The following CTNNA2 variants were observed in gnomAD, a reference collection of about 807,000 sequenced individuals.
CTNNA2 encodes catenin alpha 2.
In CTNNA2, 42 loss-of-function variants were observed where a neutral mutation model predicts 101.0. That is an observed-to-expected ratio of 0.42 (90% confidence interval 0.32 to 0.54). CTNNA2 has a LOEUF of 0.54. Among genes scored for constraint, CTNNA2 ranks in the 20% least tolerant of loss-of-function variants. CTNNA2 has a pLI of 0.14. For synonymous variants in CTNNA2, 450 were observed against 456.4 expected (o/e 0.99, Z 0.18); for missense variants, 871 against 1,223.1 (o/e 0.71, Z 4.29).
chr2:79,862,981 T>C lies in CTNNA2; in HGVS notation c.465+4802T>C, dbSNP rs1055435368. ...GGTGCAAAAGCATGACAAAACCAGG[T>C]TTTTCTTTCTTTCTCCTCCTTACTG... On this transcript the variant is annotated intron_variant, in intron 4 of 18. Coordinates refer to ENST00000402739, the MANE Select transcript of CTNNA2 (RefSeq NM_001282597.3). Among the ~76,000 whole-genome samples the C allele has an allele frequency of 3.9e-5, 6 of 152,000 alleles. No homozygotes were observed. The East Asian group carries it at 1.2e-3, about 29-fold the overall frequency.
intron 1 of CTNNA2, chr2:79,185,441 T>A (rs566284443): frequency 6.6e-6 from 1 of 152,282 alleles, no homozygotes; most frequent in Admixed American, 6.5e-5. Context: ...GGTGAGTACT[T>A]TATAAAGCTA....
intron 7 of CTNNA2, among the ~76,000 whole-genome samples, chr2:79,979,184 G>A (rs911537189): frequency 6.6e-6 from 1 of 152,060 alleles, no homozygotes; most frequent in African/African-American, 2.4e-5. Context: ...CCAGGATTTT[G>A]ACCAGCCTGG....
At chr2:79,921,369 T>C in intron 7 of CTNNA2, among the ~76,000 whole-genome samples, 1 of 152,298 alleles carries the variant, frequency 6.6e-6, no homozygotes, top group South Asian at 2.1e-4. Context: ...TCGGGAAGCC[T>C]TTTTGGGCTA....
intron 2 of CTNNA2, among the ~76,000 whole-genome samples, chr2:79,652,133 G>T (rs1467117114): frequency 6.6e-6 from 1 of 152,060 alleles, no homozygotes; most frequent in African/African-American, 2.4e-5. Context: ...CAAGATAACG[G>T]TCAACAGAAA....
At chr2:79,282,248 TA>T (rs1403500148) in intron 2 of CTNNA2, among the ~76,000 whole-genome samples, 2 of 152,144 alleles carry the variant, frequency 1.3e-5, no homozygotes, top group Non-Finnish European at 2.9e-5. Flanking sequence ...AATCTTTTTT[TA>T]AAATTTGTTT....
In CTNNA2 at chr2:79,505,652, G is replaced by A. The variant is rs554557987; in HGVS notation, c.-6+470G>A. 6.6e-5 allele frequency among the ~76,000 whole-genome samples: 10 copies of A among 152,282 alleles called. 1 individual carries two copies. The highest frequency in any genetic ancestry group is 6.2e-4 in the South Asian group (3 of 4,824). On this transcript the variant is annotated intron_variant, in intron 5 of 21. Transcript: ENST00000466387. Reference sequence around the variant, plus strand: ...TGTGGAAGTCCAGTTAGACAAGGTCGGCTCCTGGAGCCAGAGGTGAGATTA... The same window carrying A: ...TGTGGAAGTCCAGTTAGACAAGGTCAGCTCCTGGAGCCAGAGGTGAGATTA...
In CTNNA2 at chr2:79,416,544, A is replaced by C. The variant is rs185984259; in HGVS notation, c.-135+42531A>C. On this transcript the variant is annotated intron_variant, in intron 4 of 21. Coordinates refer to the CTNNA2 transcript ENST00000466387. ...GCATTGGGCAAAACCCCACATTCCA[A>C]AATGTCAGTCCCACCCCATGTAATT... 5.9e-4 allele frequency among the ~76,000 whole-genome samples: 89 copies of C among 152,110 alleles called. 2 individuals carry two copies. The highest frequency in any genetic ancestry group is 3.4e-3 in the Middle Eastern group (1 of 292).
chr2:80,121,647 G>A (rs1415144971), intron 7 of CTNNA2, among the ~76,000 whole-genome samples: 1 of 152,104 alleles, frequency 6.6e-6, no homozygotes, highest in Non-Finnish European at 1.5e-5. Flanking sequence ...GTGGGAAATG[G>A]CAAAAGTAAA....
At chr2:80,068,819 A>G (rs924243354) in intron 7 of CTNNA2, among the ~76,000 whole-genome samples, 2 of 152,200 alleles carry the variant, frequency 1.3e-5, no homozygotes, top group African/African-American at 4.8e-5. Context: ...TTTTCGTATG[A>G]GACTCTGTTC....
chr2:79,977,965 G>A (rs969061128), intron 7 of CTNNA2, among the ~76,000 whole-genome samples: 1 of 152,064 alleles, frequency 6.6e-6, no homozygotes, highest in South Asian at 2.1e-4. Flanking sequence ...AGTAATGCAG[G>A]GACTCTCCAG....
chr2:80,178,503 T>A (rs1234459133), intron 7 of CTNNA2, among the ~76,000 whole-genome samples: 1 of 152,202 alleles, frequency 6.6e-6, no homozygotes, highest in Non-Finnish European at 1.5e-5. Flanking sequence ...GGCTCCAAAC[T>A]GCATCCCTAT....
At chr2:79,220,743 A>G (rs1674331603) in intron 2 of CTNNA2, among the ~76,000 whole-genome samples, 1 of 152,188 alleles carries the variant, frequency 6.6e-6, no homozygotes, top group African/African-American at 2.4e-5. Flanking sequence ...ACCCTCATAG[A>G]AATCAATAAG....
intron 1 of CTNNA2, among the ~76,000 whole-genome samples, chr2:79,557,120 TG>T (rs933529109): frequency 6.6e-6 from 1 of 152,030 alleles, no homozygotes; most frequent in African/African-American, 2.4e-5. Context: ...CTTCTTTTAT[TG>T]TCCCCTGTGG....
intron 7 of CTNNA2, among the ~76,000 whole-genome samples, chr2:80,343,907 C>T (rs1181351722): frequency 1.3e-5 from 2 of 152,142 alleles, no homozygotes. Flanking sequence ...ATATATATAA[C>T]TTGACTTCAG....
intron 2 of CTNNA2, among the ~76,000 whole-genome samples, chr2:79,738,496 A>T (rs1279535375): frequency 6.6e-6 from 1 of 152,232 alleles, no homozygotes; most frequent in Non-Finnish European, 1.5e-5. Context: ...TGGTAGTAGC[A>T]GGCTTTTCCT....
chr2:80,556,862 G>T (rs780413147), intron 12 of CTNNA2, among the ~76,000 whole-genome samples: 1 of 152,164 alleles, frequency 6.6e-6, no homozygotes, highest in Non-Finnish European at 1.5e-5. Context: ...CCCTAAGGGG[G>T]ACCTTCATAG....
chr2:80,106,898 G>A (rs1700923201), intron 7 of CTNNA2, among the ~76,000 whole-genome samples: 1 of 152,074 alleles, frequency 6.6e-6, no homozygotes, highest in Non-Finnish European at 1.5e-5. Context: ...TGTCCTTTGG[G>A]GGCCCTGGCA....
At chr2:79,770,470 C>T (rs1408353225) in intron 3 of CTNNA2, among the ~76,000 whole-genome samples, 1 of 152,154 alleles carries the variant, frequency 6.6e-6, no homozygotes, top group Non-Finnish European at 1.5e-5. Flanking sequence ...TTTGTAAGCT[C>T]ACTAAAGCAG....
At chr2:79,585,287 T>G (rs1002650628) in intron 1 of CTNNA2, among the ~76,000 whole-genome samples, 4 of 152,054 alleles carry the variant, frequency 2.6e-5, no homozygotes, top group African/African-American at 9.7e-5. Flanking sequence ...AGACACTTAT[T>G]TACAATTAGG....
Sources: gnomAD v4.1 joint callset for allele counts (sites outside exome capture counted in the v4.1 genomes callset) on GRCh38, gnomAD v4.1.1 for gene constraint, MANE v1.5 for transcripts, NCBI Gene and HGNC (gene_info 2026-07-23, HGNC 2026-07-21) for gene names.